ACP6: variants seen among roughly 807,000 people sequenced by gnomAD.
ACP6 encodes acid phosphatase 6, lysophosphatidic, also known as lysophosphatidic acid phosphatase type 6.
In ACP6, 48 loss-of-function variants were observed where a neutral mutation model predicts 48.1. The ratio of observed to expected loss-of-function variants is 1.00; its 90% CI spans 0.79 to 1.27. The LOEUF is 1.27. ACP6 is among the 50% of genes most tolerant of loss of function. ACP6 has a pLI of 0.00. For missense variants in ACP6, 485 were observed against 529.1 expected (o/e 0.92, Z 0.82); for synonymous variants, 172 against 204.2 (o/e 0.84, Z 1.34).
intron 1 of ACP6, among the ~76,000 whole-genome samples, chr1:147,665,817 G>A (rs1406895083): frequency 2.0e-5 from 3 of 152,278 alleles, no homozygotes; most frequent in African/African-American, 7.2e-5. Flanking sequence ...AGATTTTCAA[G>A]AATGGATGAT....
At chr1:147,655,315 C>A (rs1396483101) in intron 4 of ACP6, 67 bp from the exon 5 acceptor site, 7 of 1,180,948 alleles carry the variant, frequency 5.9e-6, no homozygotes, top group Admixed American at 4.0e-5. Context: ...ATCTCCACCC[C>A]CTTCTCTTTG....
chr1:147,652,663 C>A, intron 6 of ACP6, 114 bp from the exon 7 acceptor site: 3 of 1,601,758 alleles, frequency 1.9e-6, no homozygotes, highest in Non-Finnish European at 2.5e-6. Context: ...GAAGAGAAGA[C>A]AGGCTCAAGA....
Position 147,648,308 on chromosome 1 carries a change from T to G in ACP6, c.1081A>C (p.Met361Leu). ...GATTCCAGGTGCTGGTAAAGTTCCA[T>G]GGTCAGGTCAACAGCAAACGGTGGC... is the stretch of plus-strand genomic sequence containing the variant. ...KWPPFAVDLT[M>L]ELYQHLESKE... The change falls in exon 9 of 10, where the codon ATG becomes CTG. Residue 361 changes from methionine (M) to leucine (L), a missense_variant. By Grantham distance (15) the Met-to-Leu change is conservative (BLOSUM62 2). Coordinates refer to ENST00000583509, the MANE Select transcript of ACP6 (RefSeq NM_016361.5). 6.2e-7 allele frequency: 1 copy of G among 1,614,162 alleles called. No individual in the cohort carries two copies. The highest frequency in any genetic ancestry group is 1.1e-5 in the South Asian group (1 of 91,090).
intron 5 of ACP6, among the ~76,000 whole-genome samples, chr1:147,635,514 C>A (rs1191850456): frequency 1.3e-5 from 2 of 152,200 alleles, no homozygotes; most frequent in African/African-American, 4.8e-5. Context: ...GAGCCCTTAG[C>A]TTCCTCTTCC....
At chr1:147,669,170 A>G (rs587663439) in intron 1 of ACP6, among the ~76,000 whole-genome samples, 1 of 152,262 alleles carries the variant, frequency 6.6e-6, no homozygotes, top group Non-Finnish European at 1.5e-5. Context: ...TTACTGCCAC[A>G]GACTAGCCCA....
chr1:147,668,804 G>A (rs587654559), intron 1 of ACP6, among the ~76,000 whole-genome samples: 1 of 152,322 alleles, frequency 6.6e-6, no homozygotes, highest in South Asian at 2.1e-4. Flanking sequence ...TGTGGAAAAT[G>A]CTTTAGAAGT....
Position 147,669,982 on chromosome 1 carries a change from AGTAC to A in ACP6, c.63_66del (p.Tyr22AlafsTer26), listed in dbSNP as rs372406040. On this transcript the variant is annotated frameshift_variant, in exon 1 of 10. Coordinates refer to ENST00000583509, the MANE Select transcript of ACP6 (RefSeq NM_016361.5). LOFTEE classifies it high-confidence loss of function. ...AGGGCCACCCGCCGCTGGTGCAGGC[AGTAC>A]GCCAGCGAGGTCAGGACGCCCACTG... The A allele has an allele frequency of 1.1e-4, 169 of 1,549,422 alleles. No individual in the cohort carries two copies. The East Asian group carries it at 3.2e-3, about 29-fold the overall frequency.
At chr1:147,653,222 C>G (rs1553210977) in intron 6 of ACP6, among the ~76,000 whole-genome samples, 3 of 151,776 alleles carry the variant, frequency 2.0e-5, no homozygotes, top group Non-Finnish European at 2.9e-5. Context: ...CCCCTGCCTC[C>G]CAGGTTCAAG....
downstream of ACP6, among the ~76,000 whole-genome samples, chr1:147,638,853 T>C (rs1659369375): frequency 6.6e-6 from 1 of 152,198 alleles, no homozygotes; most frequent in South Asian, 2.1e-4. Flanking sequence ...ACACTGGTTT[T>C]TGCTTTTGTT....
intron 1 of ACP6, among the ~76,000 whole-genome samples, chr1:147,669,586 AG>A (rs1396812035): frequency 1.3e-5 from 2 of 152,242 alleles, no homozygotes; most frequent in African/African-American, 4.8e-5. Context: ...ATGCGTCTTA[AG>A]CAGCGCTTAC....
chr1:147,637,125 C>T (rs1157916759), intron 5 of ACP6, among the ~76,000 whole-genome samples: 1 of 152,160 alleles, frequency 6.6e-6, no homozygotes, highest in East Asian at 1.9e-4. Flanking sequence ...ATTAGAGGAC[C>T]AAACTCCATC....
Position 147,659,402 on chromosome 1 carries a change from T to C in ACP6, c.473A>G (p.Glu158Gly), listed in dbSNP as rs782676947. The change falls in exon 3 of 10, where the codon GAG (glutamate) becomes GGG (glycine). Residue 158 changes from glutamate to glycine, a missense_variant. Transcript: ENST00000583509. ...PFLSPTFNPQ[E>G]VFIRSTNIFR... is the part of the protein sequence containing the mutation. ...CCCCTTTCAAGTGACTCACAAGACCTCCTGTGGGTTGAAGGTTGGTGAAAG... is the reference window on the plus strand; with the variant it reads ...CCCCTTTCAAGTGACTCACAAGACCCCCTGTGGGTTGAAGGTTGGTGAAAG... 1.2e-6 allele frequency: 2 copies of C among 1,614,004 alleles called. No individual in the cohort carries two copies. Among genetic ancestry groups the C allele is most frequent in the Admixed American group, 3.3e-5 (2 of 60,006 alleles).
chr1:147,658,079 G>T (rs587651630), intron 4 of ACP6, among the ~76,000 whole-genome samples: 1 of 152,332 alleles, frequency 6.6e-6, no homozygotes, highest in African/African-American at 2.4e-5. Flanking sequence ...AGCCCATCCT[G>T]CTTTATGTGA....
intron 3 of ACP6, 28 bp downstream of exon 3, chr1:147,659,368 G>A (rs1300096751): frequency 1.8e-5 from 29 of 1,609,926 alleles, no homozygotes; most frequent in African/African-American, 1.5e-4. Context: ...CTTAAATTAA[G>A]TGCAACATCC....
chr1:147,650,239 C>G lies in ACP6; in HGVS notation c.882-1G>C, dbSNP rs1659847681. 1.3e-6 allele frequency: 2 copies of G among 1,595,034 alleles called. No individual in the cohort carries two copies. Among genetic ancestry groups the G allele is most frequent in the Non-Finnish European group, 8.5e-7 (1 of 1,172,670 alleles). On this transcript the variant is annotated splice_acceptor_variant, in intron 7 of 9. Coordinates refer to ENST00000583509, the MANE Select transcript of ACP6 (RefSeq NM_016361.5). LOFTEE classifies it high-confidence loss of function. ...GCCTACTGCCATCTGAAGACTTTCCCTGTGAAAAGTGAACAACATTTAAGC... is the reference window on the plus strand; with the variant it reads ...GCCTACTGCCATCTGAAGACTTTCCGTGTGAAAAGTGAACAACATTTAAGC...
At chr1:147,667,279 C>T (rs587716468) in intron 1 of ACP6, among the ~76,000 whole-genome samples, 1 of 152,040 alleles carries the variant, frequency 6.6e-6, no homozygotes, top group South Asian at 2.1e-4. Flanking sequence ...GTGCAGTGAC[C>T]CAATCTTGGC....
At position 147,655,146 on chromosome 1, in the gene ACP6, C is replaced by T. The variant is rs1299836215; in HGVS notation, c.647+15G>A. On this transcript the variant is annotated intron_variant, in intron 5 of 9. Coordinates refer to ENST00000583509, the MANE Select transcript of ACP6 (RefSeq NM_016361.5). ...GTTGTCCCCAACTGGTGAGCAAGAACCCAGGGGCAGTTACCTGGTTCTCTG... is the reference window on the plus strand; with the variant it reads ...GTTGTCCCCAACTGGTGAGCAAGAATCCAGGGGCAGTTACCTGGTTCTCTG... 1.9e-6 allele frequency: 3 copies of T among 1,588,922 alleles called. No homozygotes were observed. The highest frequency in any genetic ancestry group is 1.3e-5 in the African/African-American group (1 of 74,380).
At chr1:147,634,542 A>G (rs1447933555) in intron 5 of ACP6, among the ~76,000 whole-genome samples, 1 of 152,028 alleles carries the variant, frequency 6.6e-6, no homozygotes, top group East Asian at 1.9e-4. Context: ...AATGTCATAA[A>G]GCTTTTCCCC....
chr1:147,632,726 C>G (rs181307782), intron 5 of ACP6, among the ~76,000 whole-genome samples: 2 of 152,200 alleles, frequency 1.3e-5, no homozygotes, highest in Admixed American at 1.3e-4. Flanking sequence ...AGAGGACTTA[C>G]ATGCTAAGTG....
Sources: allele counts gnomAD v4.1 joint callset (sites outside exome capture counted in the v4.1 genomes callset), GRCh38; gene constraint gnomAD v4.1.1; transcripts MANE v1.5; gene names NCBI Gene and HGNC (gene_info 2026-07-23, HGNC 2026-07-21).